NEB: variants seen among roughly 807,000 people sequenced by gnomAD.
NEB encodes nebulin.
NEB carries 512 observed loss-of-function variants against 952.2 expected under a neutral mutation model. The observed-to-expected ratio is 0.54, with a 90% CI of 0.50 to 0.58. NEB has a LOEUF of 0.58. NEB is among the 20% of genes least tolerant of loss of function. NEB has a pLI of 0.00. For synonymous variants in NEB, 2,900 were observed against 3,149.8 expected (o/e 0.92, Z 2.66); for missense variants, 8,428 against 9,231.1 (o/e 0.91, Z 3.56).
At chr2:151,548,099 C>T (rs1456415744) in intron 131 of NEB, among the ~76,000 whole-genome samples, 1 of 152,138 alleles carries the variant, frequency 6.6e-6, no homozygotes, top group African/African-American at 2.4e-5. Flanking sequence ...GCATCATAAT[C>T]TATGGAACCG....
intron 71 of NEB, 128 bp from the exon 72 acceptor site, chr2:151,621,154 G>T (rs2098407674): frequency 7.9e-6 from 5 of 635,116 alleles, no homozygotes; most frequent in Non-Finnish European, 1.1e-5. Flanking sequence ...ATCAGAAAAA[G>T]AACTCTTTCT....
rs754079017 is a variant in NEB at position 151,614,586 on chromosome 2, T to C, written c.11291A>G (p.Tyr3764Cys). 5 of 1,611,086 alleles carry C rather than the reference T, an allele frequency of 3.1e-6. No homozygotes were observed. The African/African-American group carries it at 4.0e-5, about 13-fold the overall frequency. ...AKASRDIASD[Y>C]KYKEGYRKQL... ...TTTGCGGTAGCCTTCCTTGTACTTG[T>C]ACTAAAAAAATAGAGATATGAGTAT... is the stretch of plus-strand genomic sequence containing the variant. The change falls in exon 77 of 182, where the codon TAC (tyrosine) becomes TGC (cysteine). Residue 3764 changes from tyrosine (Y) to cysteine (C), a missense_variant and splice_region_variant. This residue lies in a region of NEB where 1,772 missense variants were observed against 1,960.3 expected (regional missense o/e 0.90). Coordinates refer to ENST00000397345, the MANE Select transcript of NEB (RefSeq NM_001164508.2).
Position 151,503,334 on chromosome 2 carries a change from T to G in NEB, c.23835+15A>C, listed in dbSNP as rs531906107. 23 of 1,552,764 alleles carry G rather than the reference T, an allele frequency of 1.5e-5. No homozygotes were observed. Among genetic ancestry groups the G allele is most frequent in the African/African-American group, 1.4e-4 (10 of 73,538 alleles). ...TTATGGGAAATAGTTTCTTATATGA[T>G]ATATTTGTAAATACCGAGCTAAAGT... On this transcript the variant is annotated intron_variant, in intron 166 of 181. Transcript: ENST00000397345.
At position 151,526,978 on chromosome 2, in the gene NEB, A is replaced by G. The variant is rs1241017079; in HGVS notation, c.21885T>C (p.Leu7295=). ...CCGTGTTTTTGTCATCAGTGACAGA[A>G]AGCTTGCAACCCTTGAGGAACTCCC... The part of the protein sequence containing the change: ...LDREFLKGCK[L]SVTDDKNTVL... The change falls in exon 148 of 182, where the codon CTT becomes CTC. Residue 7295 remains leucine, a synonymous_variant. Transcript: ENST00000397345. The G allele has an allele frequency of 2.5e-6, 4 of 1,604,486 alleles. No individual in the cohort carries two copies. The highest frequency in any genetic ancestry group is 3.4e-6 in the Non-Finnish European group (4 of 1,174,774).
chr2:151,691,754 TTATCTCCTTCTAATCACTAGA>T, intron 23 of NEB, 89 bp downstream of exon 23: 4 of 866,022 alleles, frequency 4.6e-6, no homozygotes, highest in Non-Finnish European at 7.5e-6. Flanking sequence ...TAAAATGTAA[TTATCTCCTTCTAATCACTAGA>T]TATTAGCATG....
rs749526878 is a variant in NEB, at chr2:151,650,723, G to T, written c.7078C>A (p.Pro2360Thr). The T allele has an allele frequency of 2.5e-6, 4 of 1,613,806 alleles. No homozygotes were observed. The highest frequency in any genetic ancestry group is 3.4e-6 in the Non-Finnish European group (4 of 1,179,836). ...FEKWKTKFSS[P>T]VDMLGVVLAK... ...AGTACCACTCCCAACATGTCCACTG[G>T]GCTGGAGAACTTAGTTTTCCACTTC... Residue 2360 changes from proline (P) to threonine (T), a missense_variant, in exon 53 of 182, where the codon CCA becomes ACA. Pro to Thr is a conservative substitution (Grantham distance 38). Coordinates refer to ENST00000397345, the MANE Select transcript of NEB (RefSeq NM_001164508.2).
rs756001738 is a variant in NEB at position 151,644,491 on chromosome 2, C to T, written c.7621G>A (p.Ala2541Thr). The change falls in exon 56 of 182, where the codon GCC (alanine) becomes ACC (threonine). Residue 2541 changes from alanine (A) to threonine (T), a missense_variant. This residue lies in a region of NEB where 1,772 missense variants were observed against 1,960.3 expected (regional missense o/e 0.90). Transcript: ENST00000397345. ...ACTTCACTGGCAATTTCCCGGGAGG[C>T]TTTTGCTGCTTTGATTGGTATGGCA... Reference protein sequence around the residue: ...VDAIPIKAAKASREIASEYKY... With the variant: ...VDAIPIKAAKTSREIASEYKY... 20 of 1,613,574 alleles carry T rather than the reference C, an allele frequency of 1.2e-5. No homozygotes were observed. Among genetic ancestry groups the T allele is most frequent in the Non-Finnish European group, 1.7e-5 (20 of 1,179,652 alleles).
intron 180 of NEB, 127 bp from the exon 181 acceptor site, chr2:151,490,204 A>G: frequency 8.6e-7 from 1 of 1,169,568 alleles, no homozygotes; most frequent in Non-Finnish European, 1.2e-6. Flanking sequence ...GAAATCAAAG[A>G]AAATGAAACA....
chr2:151,711,852 G>A (rs1310920331), intron 10 of NEB, among the ~76,000 whole-genome samples: 2 of 152,142 alleles, frequency 1.3e-5, no homozygotes, highest in Non-Finnish European at 2.9e-5. Context: ...AACTCTGTAA[G>A]AAAGAAAATT....
rs375723442 is a variant in NEB, at chr2:151,542,791, A to G, written c.20578-1240T>C. On this transcript the variant is annotated intron_variant, in intron 135 of 181. Coordinates refer to ENST00000397345, the MANE Select transcript of NEB (RefSeq NM_001164508.2). ...GAGACACATATTTTCTTAATGCTCA[A>G]ATCTATTCTTCATAGAAATAATTCT... Among the ~76,000 whole-genome samples the G allele has an allele frequency of 2.2e-4, 33 of 152,340 alleles. No individual in the cohort carries two copies. The East Asian group carries it at 5.8e-3, about 27-fold the overall frequency.
At chr2:151,662,039 C>T in intron 46 of NEB, 96 bp downstream of exon 46, 1 of 1,031,548 alleles carries the variant, frequency 9.7e-7, no homozygotes, top group Non-Finnish European at 1.4e-6. Context: ...AAGTGTGATG[C>T]CCTATAACTG....
Position 151,548,490 on chromosome 2 carries a change from G to A in NEB, c.20050-75C>T, listed in dbSNP as rs1465127206. The stretch of plus-strand genomic sequence containing the variant: ...ACATTACATTTCTCCAAATAGAAAA[G>A]AGATGTCACCTTTATTTGAAAAATT... On this transcript the variant is annotated intron_variant, in intron 130 of 181. Transcript: ENST00000397345. The A allele has an allele frequency of 7.7e-6, 8 of 1,036,326 alleles. No homozygotes were observed. In the African/African-American group the frequency reaches 9.5e-5, roughly 12 times the overall value. 64.2% of individuals were successfully genotyped at this position (1,036,326 alleles called of 1,614,324 possible).
At position 151,485,668 on chromosome 2, in the gene NEB, C is replaced by A; in HGVS notation, c.*92G>T. On this transcript the variant is annotated 3_prime_UTR_variant, in exon 182 of 182. Transcript: ENST00000397345. Reference sequence around the variant, plus strand: ...ATTGACACAGAAAAACCATAGGCAGCTTGAGAACTTAGGTAACAGTGGAGA... The same window carrying A: ...ATTGACACAGAAAAACCATAGGCAGATTGAGAACTTAGGTAACAGTGGAGA... 1 of 1,255,144 alleles carries A rather than the reference C, an allele frequency of 8.0e-7. No individual in the cohort carries two copies. Among genetic ancestry groups the A allele is most frequent in the Non-Finnish European group, 1.1e-6 (1 of 916,612 alleles). The allele number at this position is 1,255,144 out of a possible 1,614,324, so 77.8% of individuals were successfully genotyped here.
chr2:151,501,065 A>ACAT (rs971328104), intron 168 of NEB, among the ~76,000 whole-genome samples: 5 of 152,170 alleles, frequency 3.3e-5, no homozygotes, highest in African/African-American at 9.7e-5. Context: ...TAACCCAGAA[A>ACAT]CATCAGATAA....
chr2:151,620,343 GTGTGTATATATATATA>G lies in NEB; in HGVS notation c.10560+560_10560+575del, dbSNP rs1158255952. Among the ~76,000 whole-genome samples the G allele has an allele frequency of 4.3e-3, 211 of 48,898 alleles. 7 individuals carry two copies. The highest frequency in any genetic ancestry group is 9.7e-3 in the African/African-American group (162 of 16,694). 32.1% of individuals were successfully genotyped at this position (48,898 alleles called of 152,430 possible). ...AATTTTATTATATATATATGTATGT[GTGTGTATATATATATA>G]TATATATATATATATATATATATAT... On this transcript the variant is annotated intron_variant, in intron 72 of 181. Coordinates refer to ENST00000397345, the MANE Select transcript of NEB (RefSeq NM_001164508.2).
Position 151,526,153 on chromosome 2 carries a change from G to T in NEB, c.22050+5C>A. On this transcript the variant is annotated splice_donor_5th_base_variant and intron_variant, in intron 149 of 181. Coordinates refer to ENST00000397345, the MANE Select transcript of NEB (RefSeq NM_001164508.2). ...AAGCAGAACTCATGGGCGGCTGGGG[G>T]TTACCTCAGACACCAGGTTGCTGAC... The T allele has an allele frequency of 3.7e-6, 6 of 1,613,688 alleles. No homozygotes were observed. Among genetic ancestry groups the T allele is most frequent in the Non-Finnish European group, 5.1e-6 (6 of 1,179,608 alleles).
At chr2:151,551,890 C>A (rs775615570) in intron 128 of NEB, 45 bp from the exon 129 acceptor site, 8 of 1,385,878 alleles carry the variant, frequency 5.8e-6, no homozygotes, top group Admixed American at 2.0e-5. Context: ...GAATGGGAAC[C>A]CAGGTTCCTC....
intron 12 of NEB, 43 bp from the exon 13 acceptor site, chr2:151,707,040 T>A (rs1379940239): frequency 1.0e-5 from 13 of 1,295,828 alleles, no homozygotes; most frequent in Admixed American, 2.2e-5. Flanking sequence ...CTATGGGTTA[T>A]TTTTGCCCCC....
intron 125 of NEB, 38 bp downstream of exon 125, chr2:151,554,893 T>C (rs1170828077): frequency 9.5e-6 from 13 of 1,362,482 alleles, no homozygotes; most frequent in Middle Eastern, 1.8e-4. Context: ...TTTCTCAGAA[T>C]GTATCCTAGT....
Sources: gnomAD v4.1 joint callset for allele counts (sites outside exome capture counted in the v4.1 genomes callset) on GRCh38, gnomAD v4.1.1 for gene constraint, gnomAD v4.1.1 regional missense constraint, MANE v1.5 for transcripts, NCBI Gene and HGNC (gene_info 2026-07-23, HGNC 2026-07-21) for gene names.